FBN2: variants seen among roughly 807,000 people sequenced by gnomAD.
FBN2 encodes fibrillin 2.
FBN2 carries 105 observed loss-of-function variants against 355.6 expected under a neutral mutation model. That is an observed-to-expected ratio of 0.30 (90% confidence interval 0.25 to 0.35). The LOEUF (loss-of-function observed/expected upper bound fraction) is 0.35. Among genes scored for constraint, FBN2 ranks in the 10% least tolerant of loss-of-function variants. The pLI is 1.00. For missense variants in FBN2, 3,280 were observed against 3,758.7 expected, an observed-to-expected ratio of 0.87 and a Z score of 3.33; for synonymous variants, 1,350 against 1,301.2, an observed-to-expected ratio of 1.04 and a Z score of -0.81.
intron 7 of FBN2, among the ~76,000 whole-genome samples, chr5:128,429,381 C>T (rs538950991): frequency 3.9e-5 from 6 of 152,158 alleles, no homozygotes; most frequent in Admixed American, 1.3e-4. Context: ...CAATGGTTTA[C>T]AGTATAGCAG....
rs778798255 is a variant in FBN2 at position 128,290,850 on chromosome 5, T to C, written c.6327A>G (p.Glu2109=). 3.7e-6 allele frequency: 6 copies of C among 1,614,014 alleles called. No homozygotes were observed. In the South Asian group the frequency reaches 6.6e-5, roughly 18 times the overall value. ...TRQSFCFTNF[E]NGKCSVPKAF... is the part of the protein sequence containing the mutation. Reference sequence around the variant, plus strand: ...CTTTGGGTACAGAACACTTTCCATTTTCAAAATTTGTGAAGCAGAAGCTCT... The same window carrying C: ...CTTTGGGTACAGAACACTTTCCATTCTCAAAATTTGTGAAGCAGAAGCTCT... Residue 2109 remains glutamate (E), a synonymous_variant, in exon 50 of 65, where the codon GAA becomes GAG. Transcript: ENST00000262464.
chr5:128,379,915 C>G (rs905356015), intron 11 of FBN2, among the ~76,000 whole-genome samples: 1 of 152,018 alleles, frequency 6.6e-6, no homozygotes, highest in Non-Finnish European at 1.5e-5. Context: ...CACAGGTTTA[C>G]CATTTTAATA....
chr5:128,313,478 A>G (rs1750114827), intron 36 of FBN2, among the ~76,000 whole-genome samples: 1 of 152,182 alleles, frequency 6.6e-6, no homozygotes, highest in African/African-American at 2.4e-5. Flanking sequence ...CTCCATGTAC[A>G]AAATCTGCCG....
At chr5:128,346,184 C>G (rs1751178459) in intron 23 of FBN2, among the ~76,000 whole-genome samples, 3 of 152,082 alleles carry the variant, frequency 2.0e-5, no homozygotes, top group Admixed American at 1.3e-4. Context: ...AACTTCAAAA[C>G]AGACCAACAT....
chr5:128,461,262 T>A (rs1754546790), intron 6 of FBN2, among the ~76,000 whole-genome samples: 1 of 152,156 alleles, frequency 6.6e-6, no homozygotes, highest in Non-Finnish European at 1.5e-5. Context: ...AAGCTCATCA[T>A]CACTGATCAT....
At chr5:128,402,361 C>A (rs1227217376) in intron 8 of FBN2, among the ~76,000 whole-genome samples, 1 of 152,100 alleles carries the variant, frequency 6.6e-6, no homozygotes. Context: ...TTCCTCTAAT[C>A]ATTTTCTATC....
intron 55 of FBN2, among the ~76,000 whole-genome samples, chr5:128,284,354 T>C (rs1203160297): frequency 6.6e-6 from 1 of 152,132 alleles, no homozygotes; most frequent in Non-Finnish European, 1.5e-5. Context: ...CTAACATTCA[T>C]AGTCCATCCC....
Position 128,289,006 on chromosome 5 carries a change from A to C in FBN2, c.6637+121T>G, listed in dbSNP as rs564501930. ...TAAGACTGGTGAAGAAGGTGCCACTACTAGCTATTTATCCTGGATTTGTAA... is the reference window on the plus strand; with the variant it reads ...TAAGACTGGTGAAGAAGGTGCCACTCCTAGCTATTTATCCTGGATTTGTAA... On this transcript the variant is annotated intron_variant, in intron 52 of 64. Coordinates refer to ENST00000262464, the MANE Select transcript of FBN2 (RefSeq NM_001999.4). The C allele has an allele frequency of 9.0e-4, 885 of 982,864 alleles. 1 individual carries two copies. Among genetic ancestry groups the C allele is most frequent in the Non-Finnish European group, 1.3e-3 (803 of 629,170 alleles). The allele number at this position is 982,864 out of a possible 1,614,324, so 60.9% of individuals were successfully genotyped here.
intron 8 of FBN2, 66 bp downstream of exon 8, chr5:128,408,608 A>G: frequency 1.9e-6 from 3 of 1,586,404 alleles, no homozygotes; most frequent in Middle Eastern, 1.7e-4. Flanking sequence ...CCATCTTCAT[A>G]CCTGTTTGGG....
At chr5:128,480,158 C>T (rs1336139622) in intron 5 of FBN2, among the ~76,000 whole-genome samples, 1 of 141,456 alleles carries the variant, frequency 7.1e-6, no homozygotes, top group Non-Finnish European at 1.5e-5. Context: ...ATAGTATTCA[C>T]AGAGAGAATA....
At chr5:128,536,571 A>G in intron 1 of FBN2, 87 bp from the exon 2 acceptor site, 1 of 871,666 alleles carries the variant, frequency 1.1e-6, no homozygotes, top group Non-Finnish European at 1.9e-6. Flanking sequence ...GCCCCGAGCG[A>G]GTAGATTTCA....
intron 6 of FBN2, among the ~76,000 whole-genome samples, chr5:128,448,544 T>C (rs1477806154): frequency 6.6e-6 from 1 of 152,088 alleles, no homozygotes; most frequent in Non-Finnish European, 1.5e-5. Context: ...TGACCTCAGA[T>C]GATCTGCCCG....
chr5:128,334,795 A>G lies in FBN2; in HGVS notation c.4023T>C (p.Cys1341=). The G allele has an allele frequency of 6.2e-7, 1 of 1,613,282 alleles. No individual in the cohort carries two copies. Among genetic ancestry groups the G allele is most frequent in the Non-Finnish European group, 8.5e-7 (1 of 1,179,172 alleles). ...AAATGAAGGATCCCTTTGTGTTCTC[A>G]CATTCCCCAAACATGCAGATATTTG... ...LNSNICMFGE[C]ENTKGSFICH... The change falls in exon 31 of 65, where the codon TGT becomes TGC. Residue 1341 remains cysteine (C), a synonymous_variant. Transcript: ENST00000262464.
chr5:128,382,777 T>C (rs539366706), intron 11 of FBN2, among the ~76,000 whole-genome samples: 42 of 152,204 alleles, frequency 2.8e-4, no homozygotes, highest in African/African-American at 9.9e-4. Context: ...TCCCAAGCAC[T>C]TGTTGAATCA....
intron 48 of FBN2, among the ~76,000 whole-genome samples, chr5:128,296,445 C>T (rs953312340): frequency 3.3e-5 from 5 of 151,610 alleles, no homozygotes; most frequent in East Asian, 3.9e-4. Flanking sequence ...TGGTAGAATT[C>T]GGCTGTGAAT....
chr5:128,487,444 A>AATTTCTT (rs1755368112), intron 5 of FBN2, among the ~76,000 whole-genome samples: 1 of 152,320 alleles, frequency 6.6e-6, no homozygotes, highest in Middle Eastern at 3.4e-3. Flanking sequence ...TTTAGAGTGA[A>AATTTCTT]ATTTCTTACA....
intron 48 of FBN2, among the ~76,000 whole-genome samples, chr5:128,297,331 G>A (rs1240515191): frequency 6.6e-6 from 1 of 152,200 alleles, no homozygotes; most frequent in South Asian, 2.1e-4. Context: ...GGGGTGGAGA[G>A]TTCTGTAGAT....
At chr5:128,284,841 C>T (rs1308845181) in intron 55 of FBN2, among the ~76,000 whole-genome samples, 8 of 152,164 alleles carry the variant, frequency 5.3e-5, no homozygotes, top group Admixed American at 5.2e-4. Flanking sequence ...TTTGCATCTA[C>T]CTATTTTCAC....
intron 64 of FBN2, 38 bp downstream of exon 64, chr5:128,261,698 A>G: frequency 6.2e-7 from 1 of 1,606,366 alleles, no homozygotes; most frequent in Non-Finnish European, 8.5e-7. Flanking sequence ...CTCCGTAGGG[A>G]TAAAATTTTG....
Sources: allele counts gnomAD v4.1 joint callset (sites outside exome capture counted in the v4.1 genomes callset), GRCh38; gene constraint gnomAD v4.1.1; transcripts MANE v1.5; gene names NCBI Gene and HGNC (gene_info 2026-07-23, HGNC 2026-07-21).